The following EDRF1 variants were observed in gnomAD, a reference collection of about 807,000 sequenced individuals.
EDRF1 encodes erythroid differentiation-related factor 1.
Under a neutral mutation model 148.7 loss-of-function variants are expected in EDRF1, and 69 were observed. The observed-to-expected ratio is 0.46, with a 90% confidence interval of 0.38 to 0.57. The LOEUF (loss-of-function observed/expected upper bound fraction) is 0.57. Among genes scored for constraint, EDRF1 ranks in the 20% least tolerant of loss-of-function variants. EDRF1 has a pLI of 0.00. For synonymous variants in EDRF1, 515 were observed against 532.8 expected (o/e 0.97, Z 0.46); for missense variants, 1,118 against 1,478.7 (o/e 0.76, Z 4.00).
At chr10:125,725,645 A>G (rs1848222399) in intron 5 of EDRF1, 37 bp from the exon 6 acceptor site, 5 of 1,613,194 alleles carry the variant, frequency 3.1e-6, no homozygotes, top group Non-Finnish European at 3.4e-6. Flanking sequence ...AGTTAACTTT[A>G]GTAACAGCAA....
chr10:125,753,374 C>T (rs985220966), intron 23 of EDRF1, among the ~76,000 whole-genome samples: 2 of 152,158 alleles, frequency 1.3e-5, no homozygotes, highest in African/African-American at 2.4e-5. Flanking sequence ...TAAAAGCTTC[C>T]TGAAGCCCCC....
chr10:125,720,047 AGTTGAAG>A, intron 1 of EDRF1, 132 bp downstream of exon 1: 1 of 747,664 alleles, frequency 1.3e-6, no homozygotes, highest in Admixed American at 2.9e-5. Context: ...CAAAACAGGG[AGTTGAAG>A]TCCATGCTCC....
intron 22 of EDRF1, 143 bp from the exon 23 acceptor site, chr10:125,752,656 A>C: frequency 1.6e-6 from 1 of 624,856 alleles, no homozygotes; most frequent in Middle Eastern, 3.9e-4. Context: ...ATTATTAAAT[A>C]GAAGTTGGAT....
At position 125,738,378 on chromosome 10, in the gene EDRF1, T is replaced by C. The variant is rs1021335310; in HGVS notation, c.1914T>C (p.Tyr638=). Reference sequence around the variant, plus strand: ...CCAGCACTCCAATCCCGTTAAAATATGAAGATGAATCCTCAAGAGGGGGTC... The same window carrying C: ...CCAGCACTCCAATCCCGTTAAAATACGAAGATGAATCCTCAAGAGGGGGTC... ...ADPSTPIPLK[Y]EDESSRGGPE... Residue 638 remains tyrosine (Y), a synonymous_variant, in exon 15 of 25, where the codon TAT becomes TAC. Transcript: ENST00000356792. 13 of 1,614,118 alleles carry C rather than the reference T, an allele frequency of 8.1e-6. No individual in the cohort carries two copies. The highest frequency in any genetic ancestry group is 3.3e-5 in the South Asian group (3 of 91,080).
rs138238599 is a variant in EDRF1 at position 125,732,849 on chromosome 10, A to G, written c.1129-555A>G. Among the ~76,000 whole-genome samples the G allele has an allele frequency of 7.7e-4, 117 of 152,276 alleles. 3 individuals carry two copies. The East Asian group carries it at 0.018, about 23-fold the overall frequency. On this transcript the variant is annotated intron_variant, in intron 9 of 24. Transcript: ENST00000356792. Reference sequence around the variant, plus strand: ...TTTTAAAATAGTGGTAGTAATGTCCATGAAGCCTTTACTCTTATTGCCACC... The same window carrying G: ...TTTTAAAATAGTGGTAGTAATGTCCGTGAAGCCTTTACTCTTATTGCCACC...
chr10:125,732,143 G>T (rs1198552372), intron 9 of EDRF1, among the ~76,000 whole-genome samples: 1 of 152,184 alleles, frequency 6.6e-6, no homozygotes, highest in Non-Finnish European at 1.5e-5. Flanking sequence ...CTGAAAGTCT[G>T]CTGTATGATT....
Position 125,723,122 on chromosome 10 carries a change from C to T in EDRF1, c.372C>T (p.Val124=), listed in dbSNP as rs757617620. Residue 124 remains valine, a synonymous_variant, in exon 3 of 25, where the codon GTC becomes GTT. Coordinates refer to ENST00000356792, the MANE Select transcript of EDRF1 (RefSeq NM_001202438.2). Reference sequence around the variant, plus strand: ...CAGTGGGAAATGATGTGGATGTTGTCTCTGACTCTGAAGTAAGTGTTATTT... The same window carrying T: ...CAGTGGGAAATGATGTGGATGTTGTTTCTGACTCTGAAGTAAGTGTTATTT... ...IDSVGNDVDV[V]SDSENIKKLL... The T allele has an allele frequency of 6.2e-7, 1 of 1,613,666 alleles. No homozygotes were observed.
rs34594748 is a variant in EDRF1 at position 125,738,283 on chromosome 10, C to CT, written c.1831-5dup. ...GTTAGATAGATAGTGAATGCTTTTCCTTTTTTTGCAGGGTTTAAAATCTGT... is the reference window on the plus strand; with the variant it reads ...GTTAGATAGATAGTGAATGCTTTTCCTTTTTTTTGCAGGGTTTAAAATCTGT... On this transcript the variant is annotated splice_polypyrimidine_tract_variant and intron_variant, in intron 14 of 24. Transcript: ENST00000356792. 9 of 1,613,586 alleles carry CT rather than the reference C, an allele frequency of 5.6e-6. No homozygotes were observed. The highest frequency in any genetic ancestry group is 1.7e-5 in the Admixed American group (1 of 59,982).
At chr10:125,761,931 G>A (rs1449632006) in intron 24 of EDRF1, among the ~76,000 whole-genome samples, 1 of 148,210 alleles carries the variant, frequency 6.7e-6, no homozygotes, top group African/African-American at 2.7e-5. Context: ...GATTATCAAA[G>A]GTTTTGTGAC....
chr10:125,719,977 G>C (rs1334242616), intron 1 of EDRF1, 62 bp downstream of exon 1: 9 of 1,477,078 alleles, frequency 6.1e-6, no homozygotes, highest in South Asian at 1.2e-5. Context: ...GCTCCACCGG[G>C]GAGGGATGCC....
chr10:125,741,473 A>G (rs1849017445), intron 17 of EDRF1: 1 of 431,036 alleles, frequency 2.3e-6, no homozygotes, highest in Admixed American at 2.8e-5. Context: ...ATGCGCCACC[A>G]TGCCCGGCTA....
chr10:125,749,132 A>C, intron 21 of EDRF1: 2 of 433,916 alleles, frequency 4.6e-6, no homozygotes, highest in South Asian at 2.3e-5. Context: ...CTGTAATCCC[A>C]GCAACTTGGG....
chr10:125,749,795 G>T, intron 22 of EDRF1: 1 of 543,738 alleles, frequency 1.8e-6, no homozygotes. Flanking sequence ...CTGAGATATG[G>T]CCCATGACCC....
At chr10:125,754,166 A>G (rs1849779414) in intron 24 of EDRF1, among the ~76,000 whole-genome samples, 1 of 151,792 alleles carries the variant, frequency 6.6e-6, no homozygotes, top group African/African-American at 2.4e-5. Context: ...CAGCGAGCTG[A>G]AATCACACCA....
At chr10:125,747,796 A>T in intron 20 of EDRF1, 67 bp from the exon 21 acceptor site, 4 of 1,611,106 alleles carry the variant, frequency 2.5e-6, no homozygotes, top group Middle Eastern at 1.7e-4. Flanking sequence ...CAGTATTTAA[A>T]CGTTTTAAAA....
intron 19 of EDRF1, 75 bp downstream of exon 19, chr10:125,746,005 A>C: frequency 7.3e-7 from 1 of 1,374,168 alleles, no homozygotes; most frequent in Non-Finnish European, 1.0e-6. Context: ...AGTTTCACTA[A>C]AATACTATAA....
At chr10:125,746,442 T>C (rs7898608) in intron 19 of EDRF1, among the ~76,000 whole-genome samples, 94,371 of 152,100 alleles carry the variant, frequency 0.62, 32,114 homozygotes, top group East Asian at 0.79. Context: ...TAATATACTC[T>C]TGCTGTATAA....
intron 18 of EDRF1, chr10:125,745,303 A>G (rs1849291804): frequency 4.6e-6 from 1 of 216,598 alleles, no homozygotes; most frequent in Admixed American, 5.2e-5. Context: ...TCATGTTTCT[A>G]CCTTGGCTTG....
intron 22 of EDRF1, among the ~76,000 whole-genome samples, chr10:125,751,631 C>G (rs1265861780): frequency 6.6e-6 from 1 of 152,198 alleles, no homozygotes; most frequent in Non-Finnish European, 1.5e-5. Flanking sequence ...CAGTTATTCT[C>G]TCCCCACCCG....
Sources: allele counts gnomAD v4.1 joint callset (sites outside exome capture counted in the v4.1 genomes callset), GRCh38; gene constraint gnomAD v4.1.1; transcripts MANE v1.5; gene names NCBI Gene and HGNC (gene_info 2026-07-23, HGNC 2026-07-21).